The following DTWD2 variants were observed in gnomAD, a reference collection of about 807,000 sequenced individuals.
DTWD2 encodes the protein tRNA-uridine aminocarboxypropyltransferase 2.
Under a neutral mutation model 31.8 loss-of-function variants are expected in DTWD2, and 39 were observed. That is an observed-to-expected ratio of 1.22 (90% CI 0.95 to 1.60). The LOEUF is 1.60. Among genes scored for constraint, DTWD2 ranks in the 40% most tolerant of loss-of-function variants. DTWD2 has a pLI of 0.00. For synonymous variants in DTWD2, 180 were observed against 142.8 expected, an observed-to-expected ratio of 1.26 and a Z score of -1.86; for missense variants, 515 against 381.5, an observed-to-expected ratio of 1.35 and a Z score of -2.92.
At chr5:118,963,621 G>A (rs951335186) in intron 1 of DTWD2, among the ~76,000 whole-genome samples, 1 of 152,168 alleles carries the variant, frequency 6.6e-6, no homozygotes, top group Admixed American at 6.5e-5. Flanking sequence ...AAAGGGAATT[G>A]AACAGATGAC....
intron 4 of DTWD2, among the ~76,000 whole-genome samples, chr5:118,902,438 A>C (rs1314880807): frequency 6.6e-6 from 1 of 152,156 alleles, no homozygotes; most frequent in Admixed American, 6.5e-5. Flanking sequence ...AAACTGGTAA[A>C]AGTACCCAGA....
chr5:118,979,892 T>G (rs1292935065), intron 1 of DTWD2, among the ~76,000 whole-genome samples: 1 of 152,216 alleles, frequency 6.6e-6, no homozygotes, highest in African/African-American at 2.4e-5. Context: ...AGCTAATGGA[T>G]GCTGGGCTTA....
At chr5:118,851,543 G>A (rs1752005526) in intron 4 of DTWD2, among the ~76,000 whole-genome samples, 1 of 151,966 alleles carries the variant, frequency 6.6e-6, no homozygotes, top group Non-Finnish European at 1.5e-5. Flanking sequence ...GAGGAAACAG[G>A]GCAAGGACAA....
At chr5:118,937,933 G>T (rs1754082046) in intron 3 of DTWD2, among the ~76,000 whole-genome samples, 1 of 149,532 alleles carries the variant, frequency 6.7e-6, no homozygotes, top group African/African-American at 2.5e-5. Context: ...CAATATTACT[G>T]AACGTTTTGA....
At chr5:118,922,547 T>C (rs1753726331) in intron 4 of DTWD2, among the ~76,000 whole-genome samples, 2 of 152,204 alleles carry the variant, frequency 1.3e-5, no homozygotes, top group South Asian at 2.1e-4. Context: ...TTAAACAACA[T>C]TATAGATTTG....
intron 4 of DTWD2, among the ~76,000 whole-genome samples, chr5:118,874,738 T>G (rs1423868455): frequency 5.3e-5 from 8 of 152,110 alleles, no homozygotes; most frequent in Admixed American, 5.2e-4. Context: ...TATGACTGAT[T>G]GGGGTACCTG....
chr5:118,844,575 G>A (rs1039213026), intron 5 of DTWD2, among the ~76,000 whole-genome samples: 1 of 152,132 alleles, frequency 6.6e-6, no homozygotes, highest in Non-Finnish European at 1.5e-5. Context: ...ATACTATGAG[G>A]TAACATTTTG....
chr5:118,864,885 C>T (rs1752349155), intron 4 of DTWD2, among the ~76,000 whole-genome samples: 1 of 152,052 alleles, frequency 6.6e-6, no homozygotes, highest in Non-Finnish European at 1.5e-5. Flanking sequence ...TTTTTAATTG[C>T]TAGGCTGCCA....
At chr5:118,895,530 C>A (rs1165371417) in intron 4 of DTWD2, among the ~76,000 whole-genome samples, 1 of 152,152 alleles carries the variant, frequency 6.6e-6, no homozygotes, top group Non-Finnish European at 1.5e-5. Flanking sequence ...TCATATGGAA[C>A]CACAAAAGAT....
rs561353119 is a variant in DTWD2, at chr5:118,896,854, C to T, written c.597+31683G>A. ...GTCAATGGACCCAGCTGAGTACAAC[C>T]TTTCACCCATCCCTGCCAAAGTGCC... On this transcript the variant is annotated intron_variant, in intron 4 of 5. Transcript: ENST00000510708. Among the ~76,000 whole-genome samples, 19 of 152,304 alleles carry T rather than the reference C, an allele frequency of 1.2e-4. No homozygotes were observed. In the East Asian group the frequency reaches 3.5e-3, roughly 28 times the overall value.
chr5:118,983,369 T>C (rs564480845), intron 1 of DTWD2, among the ~76,000 whole-genome samples: 26 of 152,206 alleles, frequency 1.7e-4, no homozygotes, highest in Non-Finnish European at 3.5e-4. Context: ...ATATGAAACA[T>C]CTTGATTTTG....
intron 4 of DTWD2, among the ~76,000 whole-genome samples, chr5:118,856,869 C>T (rs7726905): frequency 0.39 from 57,074 of 145,036 alleles, 12,948 homozygotes; most frequent in African/African-American, 0.65. Flanking sequence ...GCCTCCTGGG[C>T]TCAAGGGACT....
At chr5:118,869,445 T>C (rs79091262) in intron 4 of DTWD2, among the ~76,000 whole-genome samples, 1,614 of 152,214 alleles carry the variant, frequency 0.011, 28 homozygotes, top group African/African-American at 0.037. Flanking sequence ...TTAGGATAAT[T>C]AAACAATACT....
chr5:118,936,360 G>A (rs1008628201), intron 3 of DTWD2, among the ~76,000 whole-genome samples: 4 of 151,052 alleles, frequency 2.6e-5, no homozygotes, highest in African/African-American at 4.9e-5. Flanking sequence ...GCAACATAGC[G>A]AGACCCTGTC....
At chr5:118,844,328 C>T (rs748207554) in intron 5 of DTWD2, among the ~76,000 whole-genome samples, 3 of 152,098 alleles carry the variant, frequency 2.0e-5, no homozygotes, top group Non-Finnish European at 2.9e-5. Context: ...GATAAAACTT[C>T]GTAAGTAGAA....
chr5:118,899,660 C>T (rs1156571282), intron 4 of DTWD2, among the ~76,000 whole-genome samples: 1 of 152,102 alleles, frequency 6.6e-6, no homozygotes, highest in African/African-American at 2.4e-5. Flanking sequence ...AATCCACAGA[C>T]CTCTTCATAC....
chr5:118,947,817 C>T (rs541021681), intron 1 of DTWD2, among the ~76,000 whole-genome samples: 1 of 152,184 alleles, frequency 6.6e-6, no homozygotes, highest in Admixed American at 6.5e-5. Flanking sequence ...TAACCTTTTA[C>T]AGATAAAAGT....
chr5:118,988,478 C>G lies in DTWD2; in HGVS notation c.34G>C (p.Glu12Gln). 6.2e-7 allele frequency: 1 copy of G among 1,601,752 alleles called. No homozygotes were observed. The highest frequency in any genetic ancestry group is 8.5e-7 in the Non-Finnish European group (1 of 1,175,506). Residue 12 changes from glutamate to glutamine, a missense_variant, in exon 1 of 6, where the codon GAG becomes CAG. Physicochemically the swap from Glu to Gln is conservative, Grantham distance 29. Transcript: ENST00000510708. ...GCCCCAGAAGGCCGCGCAACGGGCT[C>G]CTGGAGTGTTCGTGCCTCTTTCTGC... ...ESQKEARTLQ[E>Q]PVARPSGASS...
At chr5:118,861,498 A>C (rs1283730582) in intron 4 of DTWD2, among the ~76,000 whole-genome samples, 1 of 152,222 alleles carries the variant, frequency 6.6e-6, no homozygotes, top group African/African-American at 2.4e-5. Context: ...TTCTACTGCA[A>C]TAGCTGCCCT....
Sources: gnomAD v4.1 joint callset for allele counts (sites outside exome capture counted in the v4.1 genomes callset) on GRCh38, gnomAD v4.1.1 for gene constraint, MANE v1.5 for transcripts, NCBI Gene and HGNC (gene_info 2026-07-23, HGNC 2026-07-21) for gene names.